CAMK2D: variants seen among roughly 807,000 people sequenced by gnomAD.
The protein encoded by CAMK2D is calcium/calmodulin dependent protein kinase II delta, also known as calcium/calmodulin-dependent protein kinase type II subunit delta.
CAMK2D carries 37 observed loss-of-function variants against 84.0 expected under a neutral mutation model. The ratio of observed to expected loss-of-function variants is 0.44; its 90% CI spans 0.34 to 0.58. The LOEUF is 0.58. Among genes scored for constraint, CAMK2D ranks in the 20% least tolerant of loss-of-function variants. The pLI is 0.02. For synonymous variants in CAMK2D, 202 were observed against 212.5 expected (o/e 0.95, Z 0.43); for missense variants, 448 against 652.5 (o/e 0.69, Z 3.41).
At chr4:113,566,910 C>T (rs752426124) in intron 4 of CAMK2D, among the ~76,000 whole-genome samples, 2 of 152,158 alleles carry the variant, frequency 1.3e-5, no homozygotes, top group Non-Finnish European at 2.9e-5. Flanking sequence ...TGGTCATTTA[C>T]TCATTATCCA....
rs568903247 is a variant in CAMK2D, at chr4:113,701,718, G to T, written c.161-39946C>A. Among the ~76,000 whole-genome samples, 144 of 150,952 alleles carry T rather than the reference G, an allele frequency of 9.5e-4. 1 individual carries two copies. The highest frequency in any genetic ancestry group is 3.3e-3 in the African/African-American group (135 of 41,164). ...GGTTTTATGTTGTTGTTGTTGTTTT[G>T]TTTTTTTTTGAAACAGGATCTCACT... is the stretch of plus-strand genomic sequence containing the variant. On this transcript the variant is annotated intron_variant, in intron 2 of 20. Coordinates refer to ENST00000511664, the MANE Select transcript of CAMK2D (RefSeq NM_001321571.2).
chr4:113,616,567 C>T (rs1482048112), intron 3 of CAMK2D, among the ~76,000 whole-genome samples: 1 of 152,080 alleles, frequency 6.6e-6, no homozygotes, highest in Non-Finnish European at 1.5e-5. Flanking sequence ...GAATTTCAAC[C>T]TGGGAAGAAA....
At chr4:113,598,826 C>T (rs2098939095) in intron 4 of CAMK2D, among the ~76,000 whole-genome samples, 1 of 152,012 alleles carries the variant, frequency 6.6e-6, no homozygotes, top group Non-Finnish European at 1.5e-5. Flanking sequence ...CACCACCATG[C>T]CCAGCTAATT....
At chr4:113,545,650 TCA>T (rs1294582107) in intron 6 of CAMK2D, among the ~76,000 whole-genome samples, 2 of 152,136 alleles carry the variant, frequency 1.3e-5, no homozygotes, top group East Asian at 3.9e-4. Context: ...TTGAACTCTC[TCA>T]GTGTGTTTAT....
chr4:113,646,525 C>A (rs1418626418), intron 3 of CAMK2D, among the ~76,000 whole-genome samples: 2 of 152,190 alleles, frequency 1.3e-5, no homozygotes, highest in African/African-American at 2.4e-5. Context: ...CAGGCCTCCA[C>A]TTTGGATGAG....
chr4:113,747,934 T>G (rs1386154222), intron 2 of CAMK2D, among the ~76,000 whole-genome samples: 2 of 152,134 alleles, frequency 1.3e-5, no homozygotes, highest in Non-Finnish European at 2.9e-5. Flanking sequence ...AGTTAGAAAG[T>G]GCTTTTCTCA....
At chr4:113,487,282 T>C (rs936477779) in intron 16 of CAMK2D, among the ~76,000 whole-genome samples, 10 of 152,236 alleles carry the variant, frequency 6.6e-5, no homozygotes, top group African/African-American at 1.9e-4. Context: ...AAGGGGGTTA[T>C]AGCAGAAATC....
intron 4 of CAMK2D, among the ~76,000 whole-genome samples, chr4:113,593,407 C>T (rs2098903306): frequency 6.6e-6 from 1 of 152,080 alleles, no homozygotes; most frequent in African/African-American, 2.4e-5. Flanking sequence ...CAGAAACCTC[C>T]TCTGAACCAT....
rs1201496955 is a variant in CAMK2D at position 113,452,846 on chromosome 4, T to C, written c.*1699A>G. 1 of 152,542 alleles carries C rather than the reference T, an allele frequency of 6.6e-6. No homozygotes were observed. The highest frequency in any genetic ancestry group is 6.6e-5 in the Admixed American group (1 of 15,260). 9.4% of individuals were successfully genotyped at this position (152,542 alleles called of 1,614,324 possible). The stretch of plus-strand genomic sequence containing the variant: ...TTTTAAATATATATGTTGTTTTAAA[T>C]TGTGTAATAATTATCAGAAAAGCTT... On this transcript the variant is annotated 3_prime_UTR_variant, in exon 21 of 21. Coordinates refer to ENST00000511664, the MANE Select transcript of CAMK2D (RefSeq NM_001321571.2).
intron 4 of CAMK2D, among the ~76,000 whole-genome samples, chr4:113,597,230 C>G (rs1158037869): frequency 6.6e-6 from 1 of 152,236 alleles, no homozygotes; most frequent in Non-Finnish European, 1.5e-5. Flanking sequence ...TCCTTTAAAA[C>G]TTCTTGTCTC....
chr4:113,632,782 G>A (rs2099095262), intron 3 of CAMK2D, among the ~76,000 whole-genome samples: 1 of 152,156 alleles, frequency 6.6e-6, no homozygotes, highest in Admixed American at 6.6e-5. Flanking sequence ...GACACTGACA[G>A]GTGCTTTCAG....
At chr4:113,546,779 G>A (rs746271530) in intron 6 of CAMK2D, among the ~76,000 whole-genome samples, 15 of 152,006 alleles carry the variant, frequency 9.9e-5, no homozygotes, top group Non-Finnish European at 1.9e-4. Flanking sequence ...TTTTCTTTTC[G>A]ATTTCTAGGC....
chr4:113,713,486 TATATA>T (rs1437733321), intron 2 of CAMK2D, among the ~76,000 whole-genome samples: 1 of 148,132 alleles, frequency 6.8e-6, no homozygotes, highest in African/African-American at 2.5e-5. Context: ...AACATTATTA[TATATA>T]ATATGATAAC....
intron 8 of CAMK2D, among the ~76,000 whole-genome samples, chr4:113,524,015 G>C (rs561160209): frequency 1.3e-5 from 2 of 151,964 alleles, no homozygotes; most frequent in Non-Finnish European, 2.9e-5. Flanking sequence ...GACTACGGGT[G>C]TGTGCTACCA....
rs114509139 is a variant in CAMK2D at position 113,705,625 on chromosome 4, T to C, written c.161-43853A>G. Reference sequence around the variant, plus strand: ...ACTATCTTTTCAGCTTTCTCATAAATGTACAATTGTTACAAAATAAAAAGT... The same window carrying C: ...ACTATCTTTTCAGCTTTCTCATAAACGTACAATTGTTACAAAATAAAAAGT... On this transcript the variant is annotated intron_variant, in intron 2 of 20. Transcript: ENST00000511664. 4.8e-3 allele frequency among the ~76,000 whole-genome samples: 730 copies of C among 152,292 alleles called. 10 individuals are homozygous for C. The highest frequency in any genetic ancestry group is 0.017 in the African/African-American group (702 of 41,584).
chr4:113,579,425 A>C (rs1194587343), intron 4 of CAMK2D, among the ~76,000 whole-genome samples: 1 of 152,228 alleles, frequency 6.6e-6, no homozygotes, highest in Non-Finnish European at 1.5e-5. Context: ...GATGGGGCAT[A>C]GTGGGAGGTG....
intron 3 of CAMK2D, among the ~76,000 whole-genome samples, chr4:113,610,284 T>C (rs1046076961): frequency 6.6e-6 from 1 of 152,162 alleles, no homozygotes; most frequent in Non-Finnish European, 1.5e-5. Flanking sequence ...TGATCTTCAC[T>C]GGGAGCAAAA....
chr4:113,674,185 A>G (rs760684344), intron 2 of CAMK2D, among the ~76,000 whole-genome samples: 1 of 152,090 alleles, frequency 6.6e-6, no homozygotes, highest in Non-Finnish European at 1.5e-5. Context: ...TTTTTTTAAA[A>G]TCACCTAAAA....
chr4:113,496,240 C>T (rs1449504231), intron 16 of CAMK2D, among the ~76,000 whole-genome samples: 1 of 152,142 alleles, frequency 6.6e-6, no homozygotes, highest in East Asian at 1.9e-4. Context: ...TGTTGGATAA[C>T]ACCTTAAATC....
Sources: gnomAD v4.1 joint callset for allele counts (sites outside exome capture counted in the v4.1 genomes callset) on GRCh38, gnomAD v4.1.1 for gene constraint, MANE v1.5 for transcripts, NCBI Gene and HGNC (gene_info 2026-07-23, HGNC 2026-07-21) for gene names.